The following WDR55 variants were observed in gnomAD, a reference collection of about 807,000 sequenced individuals.
The protein encoded by WDR55 is WD repeat domain 55.
WDR55 carries 31 observed loss-of-function variants against 34.0 expected under a neutral mutation model. That is an observed-to-expected ratio of 0.91 (90% CI 0.69 to 1.23). WDR55 has a LOEUF of 1.23. Among genes scored for constraint, WDR55 ranks in the 50% most tolerant of loss-of-function variants. The pLI, the probability that WDR55 is intolerant of heterozygous loss-of-function variation, is 0.00. For synonymous variants in WDR55, 164 were observed against 185.9 expected (o/e 0.88, Z 0.96); for missense variants, 440 against 494.6 (o/e 0.89, Z 1.05).
chr5:140,666,837 G>A (rs1171063864), intron 1 of WDR55: 37 of 985,086 alleles, frequency 3.8e-5, no homozygotes, highest in Non-Finnish European at 4.3e-5. Context: ...ATCTGTCATC[G>A]GTTTTGTTCT....
chr5:140,670,404 AAT>A lies in WDR55; in HGVS notation c.*751_*752del. 6.8e-6 allele frequency: 1 copy of A among 147,966 alleles called. No individual in the cohort carries two copies. The highest frequency in any genetic ancestry group is 1.5e-5 in the Non-Finnish European group (1 of 67,668). The allele number at this position is 147,966 out of a possible 1,614,324, so 9.2% of individuals were successfully genotyped here. ...GCTCTTGTTGCCAGGGCTGGAGTGC[AAT>A]GGCGTGATCTTGGCTCACTGCAACC... On this transcript the variant is annotated 3_prime_UTR_variant, in exon 7 of 7. Coordinates refer to ENST00000358337, the MANE Select transcript of WDR55 (RefSeq NM_017706.5).
rs1554105980 is a variant in WDR55, at chr5:140,671,798, A to C, written c.*2144A>C. The C allele has an allele frequency of 5.2e-6, 8 of 1,547,024 alleles. No individual in the cohort carries two copies. Among genetic ancestry groups the C allele is most frequent in the Non-Finnish European group, 6.1e-6 (7 of 1,142,910 alleles). On this transcript the variant is annotated 3_prime_UTR_variant, in exon 7 of 7. Transcript: ENST00000358337. ...AGGGCAGGTCTAAACCCTGGGCCCA[A>C]GCCTCCAGGTGGTGAGCCCTTTGGA... is the stretch of plus-strand genomic sequence containing the variant.
chr5:140,671,018 G>A lies in WDR55; in HGVS notation c.*1364G>A. 1 of 555,556 alleles carries A rather than the reference G, an allele frequency of 1.8e-6. No homozygotes were observed. The highest frequency in any genetic ancestry group is 2.1e-5 in the South Asian group (1 of 48,730). The allele number at this position is 555,556 out of a possible 1,614,324, so 34.4% of individuals were successfully genotyped here. A position where few individuals can be genotyped will look rare whatever the true frequency, so the allele number is the denominator to read the frequency against. On this transcript the variant is annotated 3_prime_UTR_variant, in exon 7 of 7. Coordinates refer to ENST00000358337, the MANE Select transcript of WDR55 (RefSeq NM_017706.5). ...GGCAGAGGGGGGAAGGTATGATCGG[G>A]TGGGGGTGGGACAAGGAACGGCCAT... is the stretch of plus-strand genomic sequence containing the variant.
At chr5:140,667,862 T>TGTCTC (rs1488437101) in intron 1 of WDR55, 15 of 167,770 alleles carry the variant, frequency 8.9e-5, no homozygotes, top group Admixed American at 8.8e-4. Flanking sequence ...CTGCTCTACC[T>TGTCTC]TACTGATTTT....
At chr5:140,668,025 C>A (rs544167713) in intron 1 of WDR55, 13 of 489,862 alleles carry the variant, frequency 2.7e-5, no homozygotes, top group African/African-American at 1.9e-4. Context: ...CGCAAATATA[C>A]CTTGAACTAA....
In WDR55 at chr5:140,669,885, C is replaced by T; in HGVS notation, c.*231C>T. On this transcript the variant is annotated 3_prime_UTR_variant, in exon 7 of 7. Coordinates refer to ENST00000358337, the MANE Select transcript of WDR55 (RefSeq NM_017706.5). ...CTGGGACTACAGGTGTGCACTACCA[C>T]ACCAGGCCAATTTTTGTTTTTTTTT... is the stretch of plus-strand genomic sequence containing the variant. 1 of 483,332 alleles carries T rather than the reference C, an allele frequency of 2.1e-6. No individual in the cohort carries two copies. The highest frequency in any genetic ancestry group is 3.2e-5 in the South Asian group (1 of 31,514). The allele number at this position is 483,332 out of a possible 1,614,324, so 29.9% of individuals were successfully genotyped here.
Position 140,668,669 on chromosome 5 carries a change from C to T in WDR55, c.438C>T (p.Asp146=). ...AGAATGTTCTGGCCACTGGGGATGACACAGGTGGTATCTGTCTCTGGGACC... is the reference window on the plus strand; with the variant it reads ...AGAATGTTCTGGCCACTGGGGATGATACAGGTGGTATCTGTCTCTGGGACC... ...VDENVLATGD[D]TGGICLWDQR... Residue 146 remains aspartate (D), a synonymous_variant, in exon 4 of 7, where the codon GAC becomes GAT. Coordinates refer to ENST00000358337, the MANE Select transcript of WDR55 (RefSeq NM_017706.5). The T allele has an allele frequency of 1.2e-6, 2 of 1,614,184 alleles. No homozygotes were observed. Among genetic ancestry groups the T allele is most frequent in the Non-Finnish European group, 8.5e-7 (1 of 1,180,010 alleles).
rs929116535 is a variant in WDR55 at position 140,671,219 on chromosome 5, C to T, written c.*1565C>T. The stretch of plus-strand genomic sequence containing the variant: ...ACCTTTGGGGGTCAGAAAGTGGCCA[C>T]CCAGGCCTGCTGGGATGGGGCCTGA... On this transcript the variant is annotated 3_prime_UTR_variant, in exon 7 of 7. Coordinates refer to ENST00000358337, the MANE Select transcript of WDR55 (RefSeq NM_017706.5). The T allele has an allele frequency of 3.1e-6, 5 of 1,597,088 alleles. No homozygotes were observed. The Admixed American group carries it at 5.0e-5, about 16-fold the overall frequency.
chr5:140,667,907 T>C (rs1170371292), intron 1 of WDR55: 4 of 188,252 alleles, frequency 2.1e-5, no homozygotes, highest in Non-Finnish European at 4.4e-5. Flanking sequence ...TCTTTTGTCA[T>C]TGATGTAACA....
At position 140,671,640 on chromosome 5, in the gene WDR55, C is replaced by G. The variant is rs753368143; in HGVS notation, c.*1986C>G. The G allele has an allele frequency of 9.5e-6, 15 of 1,578,260 alleles. No individual in the cohort carries two copies. In the South Asian group the frequency reaches 1.7e-4, roughly 18 times the overall value. On this transcript the variant is annotated 3_prime_UTR_variant, in exon 7 of 7. Coordinates refer to ENST00000358337, the MANE Select transcript of WDR55 (RefSeq NM_017706.5). ...CTTGCCAAAGCCAACTGGCTGCCCT[C>G]TGGCTGTGGGGACCGCAAGAAGGGA...
chr5:140,667,024 T>C (rs948680651), intron 1 of WDR55: 34 of 985,318 alleles, frequency 3.5e-5, no homozygotes, highest in Non-Finnish European at 3.9e-5. Flanking sequence ...TGTTAACTTC[T>C]GTATTTTCAT....
At position 140,671,713 on chromosome 5, in the gene WDR55, C is replaced by T. The variant is rs1003596439; in HGVS notation, c.*2059C>T. ...GCTGCTTCAGGTCTGGCTTGAGCCA[C>T]TCCACAGCCACCTGCTCTCCACAGA... On this transcript the variant is annotated 3_prime_UTR_variant, in exon 7 of 7. Transcript: ENST00000358337. 2 of 1,583,156 alleles carry T rather than the reference C, an allele frequency of 1.3e-6. No individual in the cohort carries two copies. Among genetic ancestry groups the T allele is most frequent in the Admixed American group, 1.8e-5 (1 of 54,960 alleles).
chr5:140,665,258 A>G (rs180870448), intron 1 of WDR55, among the ~76,000 whole-genome samples, 155 bp downstream of exon 1: 9 of 152,376 alleles, frequency 5.9e-5, no homozygotes, highest in Non-Finnish European at 8.8e-5. Flanking sequence ...TATCACACCA[A>G]TCTGTTGAAA....
Position 140,672,030 on chromosome 5 carries a change from T to G in WDR55, c.*2376T>G. 1 of 578,268 alleles carries G rather than the reference T, an allele frequency of 1.7e-6. No homozygotes were observed. Among genetic ancestry groups the G allele is most frequent in the Non-Finnish European group, 3.1e-6 (1 of 324,296 alleles). 35.8% of individuals were successfully genotyped at this position (578,268 alleles called of 1,614,324 possible). A position where few individuals can be genotyped will look rare whatever the true frequency, so the allele number is the denominator to read the frequency against. ...AATGGCTAATCTTTACTGGGAAAAC[T>G]TGCTGTAAGTCAGTCAGTGTGCTAA... On this transcript the variant is annotated 3_prime_UTR_variant, in exon 7 of 7. Transcript: ENST00000358337.
chr5:140,665,319 C>T (rs775866769), intron 1 of WDR55, among the ~76,000 whole-genome samples: 1 of 152,216 alleles, frequency 6.6e-6, no homozygotes, highest in African/African-American at 2.4e-5. Flanking sequence ...CCAAAAAGCC[C>T]TTTAAGGCCT....
intron 1 of WDR55, among the ~76,000 whole-genome samples, chr5:140,666,135 G>C (rs1304020560): frequency 6.6e-6 from 1 of 152,148 alleles, no homozygotes; most frequent in Non-Finnish European, 1.5e-5. Flanking sequence ...GGTGGCTCAT[G>C]CCTGTAATCC....
chr5:140,671,514 C>G lies in WDR55; in HGVS notation c.*1860C>G. ...CAGAAGCGGTGCCAGCCAGCAGGTC[C>G]TATGCCCAAACACTTGGTGAGGAAC... On this transcript the variant is annotated 3_prime_UTR_variant, in exon 7 of 7. Coordinates refer to ENST00000358337, the MANE Select transcript of WDR55 (RefSeq NM_017706.5). 6.3e-7 allele frequency: 1 copy of G among 1,583,970 alleles called. No homozygotes were observed.
In WDR55 at chr5:140,669,417, C is replaced by T. The variant is rs1758014129; in HGVS notation, c.915C>T (p.His305=). 1.2e-6 allele frequency: 2 copies of T among 1,614,096 alleles called. No individual in the cohort carries two copies. Among genetic ancestry groups the T allele is most frequent in the Non-Finnish European group, 1.7e-6 (2 of 1,180,002 alleles). The change falls in exon 7 of 7, where the codon CAC becomes CAT. Residue 305 remains histidine (H), a synonymous_variant. Transcript: ENST00000358337. ...CTGTGGAGGAGCTGGCCCTCTCCCACTGTGGCCGCTTCCTGGCCAGTAGTG... is the reference window on the plus strand; with the variant it reads ...CTGTGGAGGAGCTGGCCCTCTCCCATTGTGGCCGCTTCCTGGCCAGTAGTG... ...GEPVEELALS[H]CGRFLASSGH...
Position 140,671,208 on chromosome 5 carries a change from G to C in WDR55, c.*1554G>C, listed in dbSNP as rs897685205. 6.3e-7 allele frequency: 1 copy of C among 1,575,924 alleles called. No homozygotes were observed. The highest frequency in any genetic ancestry group is 1.1e-5 in the South Asian group (1 of 89,866). On this transcript the variant is annotated 3_prime_UTR_variant, in exon 7 of 7. Coordinates refer to ENST00000358337, the MANE Select transcript of WDR55 (RefSeq NM_017706.5). ...TGCCCCTCCCCACCTTTGGGGGTCA[G>C]AAAGTGGCCACCCAGGCCTGCTGGG... is the stretch of plus-strand genomic sequence containing the variant.
Sources: allele counts gnomAD v4.1 joint callset (sites outside exome capture counted in the v4.1 genomes callset), GRCh38; gene constraint gnomAD v4.1.1; transcripts MANE v1.5; gene names NCBI Gene and HGNC (gene_info 2026-07-23, HGNC 2026-07-21).